The following SPTY2D1 variants were observed in gnomAD, a reference collection of about 807,000 sequenced individuals.
The protein encoded by SPTY2D1 is protein SPT2 homolog.
In SPTY2D1, 21 loss-of-function variants were observed where a neutral mutation model predicts 64.0. The observed-to-expected ratio is 0.33, with a 90% CI of 0.23 to 0.47. The LOEUF (loss-of-function observed/expected upper bound fraction) is 0.47, where lower values mean the gene tolerates loss of function less well. Ranked by LOEUF, SPTY2D1 falls within the 20% of genes least tolerant of loss-of-function variation. SPTY2D1 has a pLI of 1.00. For missense variants in SPTY2D1, 724 were observed against 837.2 expected (o/e 0.86, Z 1.67); for synonymous variants, 287 against 286.8 (o/e 1.00, Z -0.01).
Position 18,615,687 on chromosome 11 carries a change from G to A in SPTY2D1, c.587C>T (p.Pro196Leu), listed in dbSNP as rs768928091. The change falls in exon 3 of 6, where the codon CCT becomes CTT. Residue 196 changes from proline to leucine, a missense_variant. By Grantham distance (98) the Pro-to-Leu change is moderately conservative. Transcript: ENST00000336349. ...CTCCCTAAGTTCTTCTGCGGTCATA[G>A]GTCGCTCTTCTGATTTCTTCACTAC... ...IKVVKKSEERPMTAEELRERE... is the reference protein window; with the variant it reads ...IKVVKKSEERLMTAEELRERE... 6.2e-7 allele frequency: 1 copy of A among 1,614,062 alleles called. No individual in the cohort carries two copies. The highest frequency in any genetic ancestry group is 8.5e-7 in the Non-Finnish European group (1 of 1,180,018).
intron 1 of SPTY2D1, among the ~76,000 whole-genome samples, chr11:18,631,314 C>T (rs1246821916): frequency 2.6e-5 from 4 of 152,162 alleles, no homozygotes; most frequent in Non-Finnish European, 2.9e-5. Context: ...TGGTTCACAC[C>T]TGTACTCACA....
intron 1 of SPTY2D1, among the ~76,000 whole-genome samples, chr11:18,624,612 T>G (rs754257236): frequency 2.6e-4 from 40 of 152,352 alleles, no homozygotes; most frequent in Non-Finnish European, 4.9e-4. Context: ...TCCTTGCATT[T>G]AAACTGTATC....
At chr11:18,624,393 T>C (rs941296829) in intron 1 of SPTY2D1, among the ~76,000 whole-genome samples, 4 of 152,220 alleles carry the variant, frequency 2.6e-5, no homozygotes, top group Non-Finnish European at 5.9e-5. Context: ...TTGAGCTTCA[T>C]GGAAAGCAGC....
intron 1 of SPTY2D1, among the ~76,000 whole-genome samples, chr11:18,625,271 C>T (rs1237391553): frequency 6.6e-6 from 1 of 152,142 alleles, no homozygotes; most frequent in Non-Finnish European, 1.5e-5. Flanking sequence ...AGCTGGATGG[C>T]TAAGAGGATA....
intron 5 of SPTY2D1, among the ~76,000 whole-genome samples, chr11:18,610,824 A>C (rs1468236345): frequency 6.6e-6 from 1 of 152,176 alleles, no homozygotes; most frequent in Non-Finnish European, 1.5e-5. Context: ...GTTACAGGTT[A>C]CCAAGATTGA....
chr11:18,615,538 A>G lies in SPTY2D1; in HGVS notation c.736T>C (p.Ser246Pro), dbSNP rs750376287. 2 of 1,614,178 alleles carry G rather than the reference A, an allele frequency of 1.2e-6. No individual in the cohort carries two copies. Among genetic ancestry groups the G allele is most frequent in the Non-Finnish European group, 1.7e-6 (2 of 1,180,026 alleles). The change falls in exon 3 of 6, where the codon TCT (serine) becomes CCT (proline). Residue 246 changes from serine (S) to proline (P), a missense_variant. This residue lies in a region of SPTY2D1 where 426 missense variants were observed against 431.8 expected (regional missense o/e 0.99). Coordinates refer to ENST00000336349, the MANE Select transcript of SPTY2D1 (RefSeq NM_194285.3). ...ESVGTKLSKG[S>P]GDRHPSSKGM... ...TTGGAAGAAGGATGCCTGTCTCCAG[A>G]ACCTTTGCTAAGTTTTGTGCCCACA...
At chr11:18,610,159 A>T in intron 5 of SPTY2D1, 1 of 484,854 alleles carries the variant, frequency 2.1e-6, no homozygotes, top group Non-Finnish European at 3.6e-6. Context: ...AAAAGAACTC[A>T]CACACCACAA....
rs562129818 is a variant in SPTY2D1, at chr11:18,617,818, C to T, written c.61-829G>A. On this transcript the variant is annotated intron_variant, in intron 1 of 5. Coordinates refer to ENST00000336349, the MANE Select transcript of SPTY2D1 (RefSeq NM_194285.3). ...TTAGCCGGGCATGGTGGCGCACATC[C>T]GTAATCCCAGCTGCTTAGGAGGCTG... 1.8e-3 allele frequency among the ~76,000 whole-genome samples: 256 copies of T among 142,622 alleles called. 4 individuals carry two copies. Among genetic ancestry groups the T allele is most frequent in the Middle Eastern group, 9.0e-3 (2 of 222 alleles). The allele number at this position is 142,622 out of a possible 152,430, so 93.6% of individuals were successfully genotyped here.
chr11:18,625,815 T>C (rs754278286), intron 1 of SPTY2D1, among the ~76,000 whole-genome samples: 8,286 of 142,516 alleles, frequency 0.058, 843 homozygotes, highest in African/African-American at 0.21. Flanking sequence ...CTCCAACACT[T>C]TCTTTTTTTT....
At position 18,606,913 on chromosome 11, in the gene SPTY2D1, T is replaced by G; in HGVS notation, c.*2948A>C. The stretch of plus-strand genomic sequence containing the variant: ...TCTCGCTCTGTCACCCAGCCTGGAG[T>G]GCAGTGGTGCTATCTTGGCTGACTG... On this transcript the variant is annotated 3_prime_UTR_variant, in exon 6 of 6. Coordinates refer to ENST00000336349, the MANE Select transcript of SPTY2D1 (RefSeq NM_194285.3). The G allele has an allele frequency of 3.1e-6, 1 of 325,408 alleles. No individual in the cohort carries two copies. The highest frequency in any genetic ancestry group is 2.5e-5 in the South Asian group (1 of 40,536). 20.2% of individuals were successfully genotyped at this position (325,408 alleles called of 1,614,324 possible). A position where few individuals can be genotyped will look rare whatever the true frequency, so the allele number is the denominator to read the frequency against.
intron 1 of SPTY2D1, among the ~76,000 whole-genome samples, chr11:18,617,490 G>A (rs897345515): frequency 6.6e-6 from 1 of 151,656 alleles, no homozygotes; most frequent in Non-Finnish European, 1.5e-5. Flanking sequence ...GCTGGGCGTA[G>A]TGGCGGGTGC....
chr11:18,611,601 C>G, intron 4 of SPTY2D1, 47 bp from the exon 5 acceptor site: 1 of 1,462,180 alleles, frequency 6.8e-7, no homozygotes, highest in Non-Finnish European at 9.5e-7. Flanking sequence ...CTTCAATTTT[C>G]TAAAGGAACT....
At chr11:18,630,331 T>A (rs1854567908) in intron 1 of SPTY2D1, among the ~76,000 whole-genome samples, 1 of 152,010 alleles carries the variant, frequency 6.6e-6, no homozygotes. Context: ...AAAAATTAGC[T>A]GGGTGTGGTG....
rs150441805 is a variant in SPTY2D1 at position 18,614,860 on chromosome 11, G to T, written c.1414C>A (p.Pro472Thr). Reference protein sequence around the residue: ...SRGPGRPVSSPHELRRPVSGL... With the variant: ...SRGPGRPVSSTHELRRPVSGL... ...CTCACTGGTCGTCGAAGTTCATGTG[G>T]ACTGCTCACAGGCCGGCCAGGGCCA... The change falls in exon 3 of 6, where the codon CCA (proline) becomes ACA (threonine). Residue 472 changes from proline (P) to threonine (T), a missense_variant. Around this residue, in one of 3 missense-constraint regions of SPTY2D1, gnomAD observed 426 missense variants for 431.8 expected, o/e 0.99. Coordinates refer to ENST00000336349, the MANE Select transcript of SPTY2D1 (RefSeq NM_194285.3). 2.5e-6 allele frequency: 4 copies of T among 1,613,862 alleles called. No homozygotes were observed. The highest frequency in any genetic ancestry group is 3.4e-6 in the Non-Finnish European group (4 of 1,179,858).
At chr11:18,621,517 T>G (rs868508409) in intron 1 of SPTY2D1, among the ~76,000 whole-genome samples, 1 of 152,126 alleles carries the variant, frequency 6.6e-6, no homozygotes, top group Non-Finnish European at 1.5e-5. Flanking sequence ...CTCATCAATT[T>G]ATATGTCAAC....
intron 2 of SPTY2D1, 51 bp downstream of exon 2, chr11:18,616,824 A>G (rs1854307194): frequency 1.3e-6 from 2 of 1,565,608 alleles, no homozygotes; most frequent in East Asian, 4.5e-5. Context: ...TACAAGCTAG[A>G]TGGTGAAGAT....
At position 18,614,677 on chromosome 11, in the gene SPTY2D1, G is replaced by A. The variant is rs1854259887; in HGVS notation, c.1597C>T (p.Pro533Ser). The change falls in exon 3 of 6, where the codon CCT (proline) becomes TCT (serine). Residue 533 changes from proline to serine, a missense_variant. Pro to Ser is a moderately conservative substitution (Grantham distance 74). Around this residue, in one of 3 missense-constraint regions of SPTY2D1, gnomAD observed 426 missense variants for 431.8 expected, o/e 0.99. Transcript: ENST00000336349. ...TVSSSGPTIKPKCTVVSETIS... is the reference protein window; with the variant it reads ...TVSSSGPTIKSKCTVVSETIS... ...GTTTCGGAGACAACAGTGCACTTAGGCTTTATAGTGGGACCTGAGCTACTA... is the reference window on the plus strand; with the variant it reads ...GTTTCGGAGACAACAGTGCACTTAGACTTTATAGTGGGACCTGAGCTACTA... 6.2e-7 allele frequency: 1 copy of A among 1,614,244 alleles called. No homozygotes were observed. Among genetic ancestry groups the A allele is most frequent in the Non-Finnish European group, 8.5e-7 (1 of 1,180,038 alleles).
At position 18,615,284 on chromosome 11, in the gene SPTY2D1, G is replaced by C. The variant is rs760220402; in HGVS notation, c.990C>G (p.Ser330Arg). The change falls in exon 3 of 6, where the codon AGC (serine) becomes AGG (arginine). Residue 330 changes from serine (S) to arginine (R), a missense_variant. Ser to Arg is a moderately radical substitution (Grantham distance 110, BLOSUM62 -1). Around this residue, in one of 3 missense-constraint regions of SPTY2D1, gnomAD observed 426 missense variants for 431.8 expected, o/e 0.99. Transcript: ENST00000336349. ...GCTCAACAGCAGATTTCTGAGTCCT[G>C]CTAGCAGAAGTCTTTGGGACACTTG... Reference protein sequence around the residue: ...SSPSVPKTSASRTQKSAVEHK... With the variant: ...SSPSVPKTSARRTQKSAVEHK... 2 of 1,614,202 alleles carry C rather than the reference G, an allele frequency of 1.2e-6. No individual in the cohort carries two copies. The highest frequency in any genetic ancestry group is 8.5e-7 in the Non-Finnish European group (1 of 1,180,040).
intron 1 of SPTY2D1, 72 bp downstream of exon 1, chr11:18,634,126 T>A: frequency 1.3e-6 from 2 of 1,560,190 alleles, no homozygotes; most frequent in Admixed American, 3.4e-5. Context: ...TGCCCAGAAG[T>A]TCCATGGGCC....
Sources: gnomAD v4.1 joint callset for allele counts (sites outside exome capture counted in the v4.1 genomes callset) on GRCh38, gnomAD v4.1.1 for gene constraint, gnomAD v4.1.1 regional missense constraint, MANE v1.5 for transcripts, NCBI Gene and HGNC (gene_info 2026-07-23, HGNC 2026-07-21) for gene names.